The following MCF2L2 variants were observed in gnomAD, a reference collection of about 807,000 sequenced individuals.
MCF2L2 encodes the protein MCF.2 cell line derived transforming sequence-like 2.
In MCF2L2, 102 loss-of-function variants were observed where a neutral mutation model predicts 150.2. The observed-to-expected ratio is 0.68, with a 90% CI of 0.58 to 0.80. The LOEUF is 0.80. MCF2L2 is among the 30% of genes least tolerant of loss of function. The pLI is 0.00. For synonymous variants in MCF2L2, 465 were observed against 491.3 expected, an observed-to-expected ratio of 0.95 and a Z score of 0.71; for missense variants, 1,256 against 1,372.8, an observed-to-expected ratio of 0.91 and a Z score of 1.34.
intron 15 of MCF2L2, among the ~76,000 whole-genome samples, chr3:183,243,585 TATCA>T (rs1283134117): frequency 7.9e-5 from 12 of 152,346 alleles, no homozygotes; most frequent in Non-Finnish European, 1.5e-5. Flanking sequence ...GGTTTTCTTC[TATCA>T]GTTTGTCCAG....
At chr3:183,220,708 C>T (rs1330433197) in intron 20 of MCF2L2, among the ~76,000 whole-genome samples, 3 of 152,094 alleles carry the variant, frequency 2.0e-5, no homozygotes, top group African/African-American at 7.2e-5. Context: ...AAAATCTTTA[C>T]CAATTGAATG....
intron 22 of MCF2L2, among the ~76,000 whole-genome samples, chr3:183,213,718 A>G (rs1397303664): frequency 1.3e-5 from 2 of 152,216 alleles, no homozygotes; most frequent in Non-Finnish European, 2.9e-5. Flanking sequence ...TAGGGAATGA[A>G]CAAGAAATAG....
chr3:183,183,943 A>T (rs906212389), intron 27 of MCF2L2, among the ~76,000 whole-genome samples: 1 of 152,056 alleles, frequency 6.6e-6, no homozygotes, highest in Non-Finnish European at 1.5e-5. Context: ...CACCCCTCAG[A>T]AAAACCATGC....
intron 1 of MCF2L2, among the ~76,000 whole-genome samples, chr3:183,395,009 T>G (rs910524530): frequency 3.3e-5 from 5 of 152,312 alleles, no homozygotes; most frequent in Non-Finnish European, 4.4e-5. Flanking sequence ...ACTCTAAGGA[T>G]GATATTGAAC....
At chr3:183,258,123 A>G (rs928117093) in intron 15 of MCF2L2, among the ~76,000 whole-genome samples, 1 of 151,586 alleles carries the variant, frequency 6.6e-6, no homozygotes, top group African/African-American at 2.4e-5. Flanking sequence ...ATGCTCCACC[A>G]CACCCAGCTA....
At chr3:183,419,759 G>A (rs1411853307) in intron 1 of MCF2L2, among the ~76,000 whole-genome samples, 1 of 152,192 alleles carries the variant, frequency 6.6e-6, no homozygotes, top group Admixed American at 6.5e-5. Flanking sequence ...TGTAGTCCCA[G>A]CTACTCGGGA....
intron 20 of MCF2L2, among the ~76,000 whole-genome samples, chr3:183,222,553 AAAG>A (rs1723187207): frequency 6.6e-6 from 1 of 152,174 alleles, no homozygotes; most frequent in African/African-American, 2.4e-5. Flanking sequence ...TCTCAAAAAA[AAAG>A]AAAGAAAGAA....
At chr3:183,213,550 C>G (rs1722812174) in intron 22 of MCF2L2, among the ~76,000 whole-genome samples, 1 of 151,948 alleles carries the variant, frequency 6.6e-6, no homozygotes, top group African/African-American at 2.4e-5. Flanking sequence ...TGGACTCAGC[C>G]ATGCATATAG....
intron 15 of MCF2L2, among the ~76,000 whole-genome samples, chr3:183,255,627 A>G (rs1367827363): frequency 6.6e-6 from 1 of 152,188 alleles, no homozygotes; most frequent in Non-Finnish European, 1.5e-5. Flanking sequence ...AAAGTGGGAG[A>G]TGAGGATGAG....
chr3:183,330,594 A>C (rs1451426432), intron 5 of MCF2L2, among the ~76,000 whole-genome samples: 1 of 152,158 alleles, frequency 6.6e-6, no homozygotes, highest in Non-Finnish European at 1.5e-5. Context: ...GGATAACACC[A>C]CGCATTTGTC....
At chr3:183,246,872 G>A (rs931149412) in intron 15 of MCF2L2, among the ~76,000 whole-genome samples, 15 of 152,028 alleles carry the variant, frequency 9.9e-5, no homozygotes, top group Admixed American at 2.6e-4. Flanking sequence ...TTAAAAAAAC[G>A]TAATAGCTAA....
Position 183,397,663 on chromosome 3 carries a change from G to A in MCF2L2, c.77-7884C>T, listed in dbSNP as rs371015835. ...TGAATAAGATTGGGTTGGTAAGAGT[G>A]TAGGCAGATTATCTATGAGTAAAAT... On this transcript the variant is annotated intron_variant, in intron 1 of 29. Coordinates refer to ENST00000328913, the MANE Select transcript of MCF2L2 (RefSeq NM_015078.4). Among the ~76,000 whole-genome samples the A allele has an allele frequency of 1.0e-4, 15 of 149,534 alleles. No individual in the cohort carries two copies. The East Asian group carries it at 2.7e-3, about 27-fold the overall frequency.
chr3:183,292,144 C>G (rs1728187950), intron 13 of MCF2L2, among the ~76,000 whole-genome samples: 1 of 151,996 alleles, frequency 6.6e-6, no homozygotes, highest in Non-Finnish European at 1.5e-5. Flanking sequence ...TAAATGTTAT[C>G]AAGGCTTACT....
At chr3:183,194,151 C>G (rs1184305917) in intron 26 of MCF2L2, among the ~76,000 whole-genome samples, 2 of 152,162 alleles carry the variant, frequency 1.3e-5, no homozygotes, top group Non-Finnish European at 2.9e-5. Context: ...AGAGCCCTCA[C>G]CTTTTCCACT....
chr3:183,406,846 T>C (rs534856768), intron 1 of MCF2L2, among the ~76,000 whole-genome samples: 2 of 152,300 alleles, frequency 1.3e-5, no homozygotes, highest in African/African-American at 4.8e-5. Context: ...CTTAACAGTA[T>C]TTTTTGCAGA....
intron 3 of MCF2L2, among the ~76,000 whole-genome samples, chr3:183,369,669 T>C (rs1712746491): frequency 6.6e-6 from 1 of 152,188 alleles, no homozygotes; most frequent in African/African-American, 2.4e-5. Flanking sequence ...CAGGAGGCTA[T>C]GCTTCCCAGC....
chr3:183,219,108 C>T (rs1723049497), intron 21 of MCF2L2, among the ~76,000 whole-genome samples: 1 of 152,098 alleles, frequency 6.6e-6, no homozygotes, highest in Admixed American at 6.6e-5. Flanking sequence ...TCTAAGGGAA[C>T]TTTGGCAGAC....
rs3732599 is a variant in MCF2L2 at position 183,289,240 on chromosome 3, G to A, written c.1676-20C>T. 20,196 of 1,513,500 alleles carry A rather than the reference G, an allele frequency of 0.013. 272 individuals are homozygous for A. The highest frequency in any genetic ancestry group is 0.043 in the Middle Eastern group (253 of 5,824). The allele number at this position is 1,513,500 out of a possible 1,614,324, so 93.8% of individuals were successfully genotyped here. A position where few individuals can be genotyped will look rare whatever the true frequency, so the allele number is the denominator to read the frequency against. On this transcript the variant is annotated intron_variant, in intron 13 of 29. Coordinates refer to ENST00000328913, the MANE Select transcript of MCF2L2 (RefSeq NM_015078.4). Reference sequence around the variant, plus strand: ...GAGGGACTAAGAGAACCTGCCATTAGTGTGGTTATTTAACTTATAAACTAT... The same window carrying A: ...GAGGGACTAAGAGAACCTGCCATTAATGTGGTTATTTAACTTATAAACTAT...
At chr3:183,427,362 G>C (rs531085306) in intron 1 of MCF2L2, among the ~76,000 whole-genome samples, 1 of 152,280 alleles carries the variant, frequency 6.6e-6, no homozygotes, top group East Asian at 1.9e-4. Context: ...GAGATTTCTC[G>C]CGGGGATCAT....
Sources: allele counts gnomAD v4.1 joint callset (sites outside exome capture counted in the v4.1 genomes callset), GRCh38; gene constraint gnomAD v4.1.1; transcripts MANE v1.5; gene names NCBI Gene and HGNC (gene_info 2026-07-23, HGNC 2026-07-21).